The following CHEK1 variants were observed in gnomAD, a reference collection of about 807,000 sequenced individuals.
CHEK1 encodes checkpoint kinase 1, also known as serine/threonine-protein kinase Chk1.
Under a neutral mutation model 60.2 loss-of-function variants are expected in CHEK1, and 32 were observed. The ratio of observed to expected loss-of-function variants is 0.53; its 90% CI spans 0.40 to 0.71. CHEK1 has a LOEUF of 0.71. CHEK1 is among the 30% of genes least tolerant of loss of function. The probability of loss-of-function intolerance (pLI) is 0.00; values close to 1 mark genes in which losing one functional copy is unlikely to be tolerated. For missense variants in CHEK1, 399 were observed against 564.6 expected (o/e 0.71, Z 2.97); for synonymous variants, 179 against 187.2 (o/e 0.96, Z 0.36).
chr11:125,628,370 C>T (rs1246100475), intron 3 of CHEK1, among the ~76,000 whole-genome samples: 2 of 151,994 alleles, frequency 1.3e-5, no homozygotes, highest in East Asian at 3.8e-4. Context: ...CTGAGAAGTA[C>T]ATAAAATCTG....
chr11:125,646,347 A>G (rs1044035059), intron 11 of CHEK1, among the ~76,000 whole-genome samples: 6 of 152,112 alleles, frequency 3.9e-5, no homozygotes, highest in African/African-American at 1.2e-4. Context: ...GTGTGTATGT[A>G]TTACATTTCG....
Position 125,625,223 on chromosome 11 carries a change from A to T in CHEK1, c.-810A>T, listed in dbSNP as rs1217404901. ...ATGAAAAAGTTTGTAGAACTAAGCT[A>T]AGCAGATGGTCTTCCTGCAAAAAGA... On this transcript the variant is annotated 5_prime_UTR_variant, in exon 1 of 13. An upstream open reading frame in the 5' UTR loses its in-frame stop. Coordinates refer to ENST00000438015, the MANE Select transcript of CHEK1 (RefSeq NM_001114122.3). 1 of 228,670 alleles carries T rather than the reference A, an allele frequency of 4.4e-6. No individual in the cohort carries two copies. Among genetic ancestry groups the T allele is most frequent in the Non-Finnish European group, 8.7e-6 (1 of 115,372 alleles). 14.2% of individuals were successfully genotyped at this position (228,670 alleles called of 1,614,324 possible).
chr11:125,641,418 C>T (rs1413615073), intron 8 of CHEK1, among the ~76,000 whole-genome samples: 2 of 152,134 alleles, frequency 1.3e-5, no homozygotes, highest in Admixed American at 1.3e-4. Context: ...CACACTCACT[C>T]CATTAGTGAT....
chr11:125,681,059 T>C, downstream of CHEK1: 1 of 149,050 alleles, frequency 6.7e-6, no homozygotes, highest in Non-Finnish European at 1.2e-5. The surrounding 1 kb of genome is among the most constrained non-coding windows in gnomAD (Gnocchi z 4.2). Flanking sequence ...ATCTGCCCTA[T>C]CTTTAAAAAA....
chr11:125,676,504 A>T, downstream of CHEK1: 1 of 1,613,770 alleles, frequency 6.2e-7, no homozygotes, highest in Non-Finnish European at 8.5e-7. Flanking sequence ...AAGCCTGATG[A>T]CATTTCCTTG....
rs1941818683 is a variant in CHEK1, at chr11:125,653,937, G to A, written c.1335+90G>A. 3 of 667,606 alleles carry A rather than the reference G, an allele frequency of 4.5e-6. No homozygotes were observed. The highest frequency in any genetic ancestry group is 5.0e-6 in the Non-Finnish European group (2 of 401,550). The allele number at this position is 667,606 out of a possible 1,614,324, so 41.4% of individuals were successfully genotyped here. ...TTATGTTTGTATATATGTGGCATTT[G>A]TAAATAGGTTACTTGCTTTTTTCGT... On this transcript the variant is annotated intron_variant, in intron 12 of 12. Transcript: ENST00000438015. This position sits in a 1 kb window ranked among gnomAD's most constrained non-coding sequence, Gnocchi z 4.3.
chr11:125,636,523 A>G (rs1388490941), intron 7 of CHEK1, among the ~76,000 whole-genome samples: 1 of 152,158 alleles, frequency 6.6e-6, no homozygotes, highest in Non-Finnish European at 1.5e-5. Flanking sequence ...TATTTTGTCA[A>G]ATTGCTTCCC....
chr11:125,661,195 T>A (rs1298027617), downstream of CHEK1, among the ~76,000 whole-genome samples: 3 of 152,244 alleles, frequency 2.0e-5, no homozygotes, highest in East Asian at 5.8e-4. Flanking sequence ...TTGATTCCAT[T>A]TGCTTTCACT....
At chr11:125,670,791 A>G (rs77355001) in intron 13 of CHEK1, among the ~76,000 whole-genome samples, 11,612 of 152,198 alleles carry the variant, frequency 0.076, 521 homozygotes, top group African/African-American at 0.12. Flanking sequence ...AAGCTCACAA[A>G]TCTCTCTTTT....
At chr11:125,638,032 T>C (rs1392229606) in intron 8 of CHEK1, among the ~76,000 whole-genome samples, 1 of 152,036 alleles carries the variant, frequency 6.6e-6, no homozygotes, top group Non-Finnish European at 1.5e-5. Context: ...ATTTGTTGAG[T>C]GAGTGAACAG....
chr11:125,625,839 A>T lies in CHEK1; in HGVS notation c.-194A>T. On this transcript the variant is annotated 5_prime_UTR_variant, in exon 1 of 13. Transcript: ENST00000438015. ...AGCAGCCCTGGGCGGGAGCGGCAAC[A>T]TCTCCACGTCACCCTTTTGGAGCCG... is the stretch of plus-strand genomic sequence containing the variant. The T allele has an allele frequency of 1.4e-6, 1 of 702,566 alleles. No homozygotes were observed. Among genetic ancestry groups the T allele is most frequent in the Non-Finnish European group, 2.6e-6 (1 of 384,988 alleles). The allele number at this position is 702,566 out of a possible 1,614,324, so 43.5% of individuals were successfully genotyped here. A position where few individuals can be genotyped will look rare whatever the true frequency, so the allele number is the denominator to read the frequency against.
chr11:125,651,286 C>CT (rs59057522), intron 11 of CHEK1, among the ~76,000 whole-genome samples: 4,917 of 128,086 alleles, frequency 0.038, 132 homozygotes, highest in Middle Eastern at 0.052. Context: ...AGACAAGCCT[C>CT]TTTTTTTTTT....
intron 12 of CHEK1, among the ~76,000 whole-genome samples, chr11:125,654,332 A>T (rs1941834042): frequency 1.3e-5 from 2 of 151,618 alleles, no homozygotes; most frequent in South Asian, 4.1e-4. Context: ...ACTCTGTCTC[A>T]AAAAAAAGAA....
At chr11:125,645,410 CA>C (rs945620289) in intron 11 of CHEK1, among the ~76,000 whole-genome samples, 2 of 151,450 alleles carry the variant, frequency 1.3e-5, no homozygotes, top group East Asian at 1.9e-4. Flanking sequence ...TAAGGCTTTT[CA>C]AAAAAAATGT....
chr11:125,643,415 C>A (rs1473707636), intron 8 of CHEK1: 2 of 155,022 alleles, frequency 1.3e-5, no homozygotes, highest in African/African-American at 4.8e-5. Flanking sequence ...ATGGCGTGAA[C>A]CCTGGAGACA....
chr11:125,672,072 T>G (rs577986100), intron 13 of CHEK1: 1 of 152,078 alleles, frequency 6.6e-6, no homozygotes, highest in Admixed American at 6.6e-5. Context: ...AAGAGTTGAG[T>G]TTTTGTATGC....
At chr11:125,634,535 G>A (rs1170863936) in intron 6 of CHEK1, among the ~76,000 whole-genome samples, 1 of 151,832 alleles carries the variant, frequency 6.6e-6, no homozygotes, top group Non-Finnish European at 1.5e-5. Context: ...ATGTTACGTA[G>A]GCTGGTCTTA....
chr11:125,637,005 A>T (rs1244359380), intron 7 of CHEK1, among the ~76,000 whole-genome samples: 1 of 152,226 alleles, frequency 6.6e-6, no homozygotes. Flanking sequence ...TTTCTCAAGA[A>T]AATTAAGATA....
In CHEK1 at chr11:125,653,125, G is replaced by A. The variant is rs746729534; in HGVS notation, c.1234-621G>A. Among the ~76,000 whole-genome samples the A allele has an allele frequency of 1.1e-4, 16 of 152,136 alleles. No homozygotes were observed. Among genetic ancestry groups the A allele is most frequent in the Admixed American group, 2.6e-4 (4 of 15,264 alleles). On this transcript the variant is annotated intron_variant, in intron 11 of 12. Transcript: ENST00000438015. This position sits in a 1 kb window ranked among gnomAD's most constrained non-coding sequence, Gnocchi z 4.3. ...AATGTCCTCCAGTTCCACCCATGTT[G>A]CTGCAAATGACAGGATTTCATTCCT...
Sources: gnomAD v4.1 joint callset for allele counts (sites outside exome capture counted in the v4.1 genomes callset) on GRCh38, gnomAD v4.1.1 for gene constraint, Gnocchi (gnomAD v3.1) non-coding constraint, MANE v1.5 for transcripts, NCBI Gene and HGNC (gene_info 2026-07-23, HGNC 2026-07-21) for gene names.